Variants in KALRN observed in about 807,000 individuals in gnomAD.
KALRN encodes kalirin.
In KALRN, 70 loss-of-function variants were observed where a neutral mutation model predicts 353.7. That is an observed-to-expected ratio of 0.20 (90% CI 0.16 to 0.24). KALRN has a LOEUF of 0.24. KALRN is among the 10% of genes least tolerant of loss of function. The pLI, the probability that KALRN is intolerant of heterozygous loss-of-function variation, is 1.00. For synonymous variants in KALRN, 1,391 were observed against 1,434.8 expected (o/e 0.97, Z 0.69); for missense variants, 2,791 against 3,756.7 (o/e 0.74, Z 6.72).
chr3:124,049,048 C>T (rs889324472), intron 1 of KALRN, among the ~76,000 whole-genome samples: 3 of 152,166 alleles, frequency 2.0e-5, no homozygotes, highest in South Asian at 2.1e-4. Flanking sequence ...TCCCTGTTCT[C>T]TGAAGGATAA....
chr3:124,305,567 G>C (rs182059324), intron 6 of KALRN, among the ~76,000 whole-genome samples: 109 of 152,270 alleles, frequency 7.2e-4, no homozygotes, highest in East Asian at 1.9e-4. Flanking sequence ...GTACCAGCTG[G>C]GTGTGGTCAG....
At chr3:124,149,161 T>C (rs2067751906) in intron 1 of KALRN, among the ~76,000 whole-genome samples, 4 of 152,252 alleles carry the variant, frequency 2.6e-5, no homozygotes, top group Admixed American at 2.6e-4. Context: ...CTGTTTACTA[T>C]TGGCGGCATG....
At chr3:124,589,063 G>A (rs546451722) in intron 34 of KALRN, among the ~76,000 whole-genome samples, 3 of 152,200 alleles carry the variant, frequency 2.0e-5, no homozygotes, top group Non-Finnish European at 4.4e-5. Flanking sequence ...CTGATGTCAT[G>A]GGCTTTGGGT....
intron 55 of KALRN, 130 bp downstream of exon 55, chr3:124,697,854 C>A: frequency 1.1e-6 from 1 of 890,300 alleles, no homozygotes; most frequent in Non-Finnish European, 1.6e-6. Flanking sequence ...TAGAGACAGG[C>A]TATTGCTATA....
At chr3:124,079,438 C>G (rs1015884634) in intron 1 of KALRN, among the ~76,000 whole-genome samples, 3 of 152,164 alleles carry the variant, frequency 2.0e-5, no homozygotes, top group Non-Finnish European at 4.4e-5. Flanking sequence ...ACTCTGTTCT[C>G]TTATTTTATT....
At chr3:124,191,069 G>T (rs779400968) in intron 1 of KALRN, among the ~76,000 whole-genome samples, 1 of 152,150 alleles carries the variant, frequency 6.6e-6, no homozygotes, top group Non-Finnish European at 1.5e-5. Context: ...TATTATAAAA[G>T]ATACTAAAAG....
At chr3:124,677,847 G>A (rs891132599) in intron 49 of KALRN, among the ~76,000 whole-genome samples, 18 of 152,054 alleles carry the variant, frequency 1.2e-4, no homozygotes, top group Non-Finnish European at 2.5e-4. Context: ...CCCATCCACC[G>A]TGCCCTTCTC....
chr3:124,571,447 G>A (rs142970086), intron 34 of KALRN, among the ~76,000 whole-genome samples: 366 of 152,300 alleles, frequency 2.4e-3, no homozygotes, highest in South Asian at 3.9e-3. Flanking sequence ...GAGCTTAGAG[G>A]CAAGTGCCTT....
At chr3:124,526,642 G>A (rs990471272) in intron 33 of KALRN, among the ~76,000 whole-genome samples, 1 of 152,118 alleles carries the variant, frequency 6.6e-6, no homozygotes, top group Non-Finnish European at 1.5e-5. Context: ...TAAGGATGTG[G>A]AGGGTTAGAT....
intron 10 of KALRN, among the ~76,000 whole-genome samples, chr3:124,369,051 A>C (rs1312364175): frequency 6.8e-6 from 1 of 146,354 alleles, no homozygotes; most frequent in East Asian, 2.0e-4. Flanking sequence ...AAAGAGAGGG[A>C]GACCGTGGGG....
rs531177142 is a variant in KALRN at position 124,658,355 on chromosome 3, G to T, written c.6037-76G>T. ...GCCTTTGTCCTTTGTCCACGTGGAG[G>T]CCAGCACGGCACTCTGAGATTGAAC... is the stretch of plus-strand genomic sequence containing the variant. On this transcript the variant is annotated intron_variant, in intron 41 of 59. Coordinates refer to ENST00000682506, the MANE Select transcript of KALRN (RefSeq NM_001388419.1). The T allele has an allele frequency of 6.4e-6, 7 of 1,100,590 alleles. No individual in the cohort carries two copies. The East Asian group carries it at 1.6e-4, about 26-fold the overall frequency. The allele number at this position is 1,100,590 out of a possible 1,614,324, so 68.2% of individuals were successfully genotyped here.
At chr3:124,328,206 G>T (rs751630207) in intron 7 of KALRN, among the ~76,000 whole-genome samples, 1 of 152,014 alleles carries the variant, frequency 6.6e-6, no homozygotes, top group African/African-American at 2.4e-5. Flanking sequence ...TCTTTTTGTC[G>T]CCGTTGTTAA....
intron 1 of KALRN, among the ~76,000 whole-genome samples, chr3:124,145,898 G>T (rs1481210490): frequency 1.3e-5 from 2 of 152,188 alleles, no homozygotes; most frequent in African/African-American, 2.4e-5. Context: ...AGGCAAACAG[G>T]GAGGGATGTT....
intron 1 of KALRN, among the ~76,000 whole-genome samples, chr3:124,034,928 A>G (rs2039272703): frequency 6.6e-6 from 1 of 151,962 alleles, no homozygotes; most frequent in Admixed American, 6.6e-5. Context: ...CTGCACATCC[A>G]TCTGTTTCCT....
chr3:124,131,328 A>G (rs2065248141), intron 1 of KALRN, among the ~76,000 whole-genome samples: 1 of 152,222 alleles, frequency 6.6e-6, no homozygotes, highest in Admixed American at 6.5e-5. Flanking sequence ...TCTCAGCCCC[A>G]GTTACCAACT....
intron 1 of KALRN, among the ~76,000 whole-genome samples, chr3:124,202,659 C>T (rs1415202881): frequency 6.6e-6 from 1 of 152,196 alleles, no homozygotes; most frequent in East Asian, 1.9e-4. Context: ...TCTCTATCCA[C>T]CCTTCCAGCC....
chr3:124,615,987 C>T (rs946650244), intron 34 of KALRN, among the ~76,000 whole-genome samples: 1 of 152,138 alleles, frequency 6.6e-6, no homozygotes, highest in Non-Finnish European at 1.5e-5. Context: ...ACTGTAGAGC[C>T]TCCTATTACA....
chr3:124,347,692 T>C (rs2149560153), intron 10 of KALRN, among the ~76,000 whole-genome samples: 1 of 152,254 alleles, frequency 6.6e-6, no homozygotes, highest in South Asian at 2.1e-4. Context: ...TCACTGCCAG[T>C]GAGTGAGAGC....
rs76774085 is a variant in KALRN, at chr3:124,124,819, A to G, written c.73+91006A>G. 3.0e-3 allele frequency among the ~76,000 whole-genome samples: 454 copies of G among 152,342 alleles called. 1 individual carries two copies. Among genetic ancestry groups the G allele is most frequent in the African/African-American group, 0.01 (428 of 41,576 alleles). ...AAATATTTTTAATTAAAATATGTAC[A>G]TTGTTTTTTAGACATGCTATTGCAC... On this transcript the variant is annotated intron_variant, in intron 1 of 59. Transcript: ENST00000682506.
Sources: allele counts gnomAD v4.1 joint callset (sites outside exome capture counted in the v4.1 genomes callset), GRCh38; gene constraint gnomAD v4.1.1; transcripts MANE v1.5; gene names NCBI Gene and HGNC (gene_info 2026-07-23, HGNC 2026-07-21).